Variants in TRAPPC11 observed in about 807,000 individuals in gnomAD.
The protein encoded by TRAPPC11 is foie gras homolog.
A neutral mutation model predicts 151.2 loss-of-function variants in TRAPPC11; 104 were observed. The ratio of observed to expected loss-of-function variants is 0.69; its 90% CI spans 0.59 to 0.81. TRAPPC11 has a LOEUF of 0.81. TRAPPC11 is among the 30% of genes least tolerant of loss of function. The probability of loss-of-function intolerance (pLI) is 0.00; values close to 1 mark genes in which losing one functional copy is unlikely to be tolerated. For synonymous variants in TRAPPC11, 456 were observed against 472.3 expected (o/e 0.97, Z 0.45); for missense variants, 1,230 against 1,349.6 (o/e 0.91, Z 1.39).
chr4:183,689,738 G>T (rs754945640), intron 18 of TRAPPC11, among the ~76,000 whole-genome samples: 17 of 150,020 alleles, frequency 1.1e-4, no homozygotes, highest in Non-Finnish European at 1.9e-4. Flanking sequence ...GAAGTATGGG[G>T]ACTCTTATTT....
intron 2 of TRAPPC11, 133 bp downstream of exon 2, chr4:183,664,204 C>T (rs944832329): frequency 9.9e-6 from 7 of 705,574 alleles, no homozygotes; most frequent in African/African-American, 7.1e-5. Context: ...AAGCCTTAGG[C>T]ATTTTCATGT....
rs1170589564 is a variant in TRAPPC11 at position 183,697,685 on chromosome 4, C to T, written c.2701C>T (p.His901Tyr). Residue 901 changes from histidine (H) to tyrosine (Y), a missense_variant, in exon 25 of 30, where the codon CAC becomes TAC. Coordinates refer to ENST00000334690, the MANE Select transcript of TRAPPC11 (RefSeq NM_021942.6). Reference sequence around the variant, plus strand: ...TTATCTTCATTTGTGACAGTTTGAGCACCTGGAAAGGGTTTATGCTGACAT... The same window carrying T: ...TTATCTTCATTTGTGACAGTTTGAGTACCTGGAAAGGGTTTATGCTGACAT... Reference protein sequence around the residue: ...AVKFVSTKFEHLERVYADIPF... With the variant: ...AVKFVSTKFEYLERVYADIPF... The T allele has an allele frequency of 6.2e-7, 1 of 1,613,554 alleles. No individual in the cohort carries two copies. Among genetic ancestry groups the T allele is most frequent in the Admixed American group, 1.7e-5 (1 of 59,832 alleles).
Position 183,708,550 on chromosome 4 carries a change from T to A in TRAPPC11, c.3333T>A (p.Phe1111Leu). 6.2e-7 allele frequency: 1 copy of A among 1,614,012 alleles called. No homozygotes were observed. Among genetic ancestry groups the A allele is most frequent in the Non-Finnish European group, 8.5e-7 (1 of 1,179,968 alleles). The change falls in exon 29 of 30, where the codon TTT becomes TTA. Residue 1111 changes from phenylalanine (F) to leucine (L), a missense_variant. Coordinates refer to ENST00000334690, the MANE Select transcript of TRAPPC11 (RefSeq NM_021942.6). ...PNFTNQLLRR[F>L]IPTSIFVKPQ... ...TCACAAATCAGCTGCTCAGGCGTTT[T>A]ATACCTACCAGTATTTTTGTCAAGG...
intron 23 of TRAPPC11, among the ~76,000 whole-genome samples, chr4:183,696,733 T>G (rs1316554760): frequency 2.6e-5 from 4 of 152,282 alleles, no homozygotes; most frequent in Non-Finnish European, 2.9e-5. Context: ...AGAAAGGAGA[T>G]GTAGCATGTT....
intron 23 of TRAPPC11, among the ~76,000 whole-genome samples, chr4:183,695,233 A>G (rs1380108053): frequency 2.0e-5 from 3 of 152,146 alleles, no homozygotes; most frequent in African/African-American, 7.2e-5. Context: ...TACAGGCGTG[A>G]TCCACTGGAC....
Position 183,706,934 on chromosome 4 carries a change from C to CA in TRAPPC11, c.3186dup (p.Gln1063ThrfsTer17). 6.2e-7 allele frequency: 1 copy of CA among 1,613,962 alleles called. No individual in the cohort carries two copies. Among genetic ancestry groups the CA allele is most frequent in the Non-Finnish European group, 8.5e-7 (1 of 1,179,960 alleles). On this transcript the variant is annotated frameshift_variant, in exon 28 of 30. Coordinates refer to ENST00000334690, the MANE Select transcript of TRAPPC11 (RefSeq NM_021942.6). LOFTEE classifies it high-confidence loss of function. ...GTGATGCCTTCATGTTCTCAGGTCT[C>CA]AAACAGGTACAGGTCATATCTTGTG...
Position 183,667,118 on chromosome 4 carries a change from C to A in TRAPPC11, c.433C>A (p.Pro145Thr). ...AGTGGTTCTGATTCAGAAGAAAACC[C>A]CTTTGCCCCCAGGTATCAGAAGTCT... ...VAVVLIQKKT[P>T]LPPGEDVIAS... The change falls in exon 4 of 30, where the codon CCT (proline) becomes ACT (threonine). Residue 145 changes from proline to threonine, a missense_variant. Physicochemically the swap from Pro to Thr is conservative, Grantham distance 38. Transcript: ENST00000334690. The A allele has an allele frequency of 1.2e-6, 2 of 1,602,316 alleles. No individual in the cohort carries two copies. The highest frequency in any genetic ancestry group is 1.7e-6 in the Non-Finnish European group (2 of 1,172,248).
Position 183,690,226 on chromosome 4 carries a change from GA to G in TRAPPC11, c.1894-1080del, listed in dbSNP as rs5864851. 1.3e-3 allele frequency among the ~76,000 whole-genome samples: 197 copies of G among 149,648 alleles called. No individual in the cohort carries two copies. The Middle Eastern group carries it at 0.014, about 10-fold the overall frequency. ...AAGAAATTCACAATATAAACCATAA[GA>G]AAAAAAAAAGTAGAGTAGTTTTTAT... On this transcript the variant is annotated intron_variant, in intron 18 of 29. Coordinates refer to ENST00000334690, the MANE Select transcript of TRAPPC11 (RefSeq NM_021942.6).
At chr4:183,711,326 C>T (rs558124147) in intron 29 of TRAPPC11, among the ~76,000 whole-genome samples, 5 of 152,302 alleles carry the variant, frequency 3.3e-5, no homozygotes, top group South Asian at 4.1e-4. Flanking sequence ...AGTGCTCAAT[C>T]GCTAAATGTG....
intron 25 of TRAPPC11, 70 bp from the exon 26 acceptor site, chr4:183,701,627 A>T: frequency 9.8e-7 from 1 of 1,021,800 alleles, no homozygotes; most frequent in Non-Finnish European, 1.6e-6. Flanking sequence ...TTGTTCTGTT[A>T]CTTGGATGTG....
chr4:183,708,297 G>C (rs2111105330), intron 28 of TRAPPC11, 110 bp from the exon 29 acceptor site: 1 of 1,143,728 alleles, frequency 8.7e-7, no homozygotes, highest in East Asian at 2.5e-5. Context: ...GAATATTTCA[G>C]TAGAAGGATT....
Position 183,713,486 on chromosome 4 carries a change from TTAA to T in TRAPPC11, c.*847_*849del, listed in dbSNP as rs1342177509. 6.5e-6 allele frequency: 1 copy of T among 152,694 alleles called. No individual in the cohort carries two copies. Among genetic ancestry groups the T allele is most frequent in the African/African-American group, 2.4e-5 (1 of 41,472 alleles). The allele number at this position is 152,694 out of a possible 1,614,324, so 9.5% of individuals were successfully genotyped here. ...TGAAAATTGTATTTGTTAAAATACC[TTAA>T]TAATTTAAAATGACCTGATTTCCTG... On this transcript the variant is annotated 3_prime_UTR_variant, in exon 30 of 30. Coordinates refer to ENST00000334690, the MANE Select transcript of TRAPPC11 (RefSeq NM_021942.6).
At chr4:183,664,207 T>G in intron 2 of TRAPPC11, 136 bp downstream of exon 2, 1 of 678,924 alleles carries the variant, frequency 1.5e-6, no homozygotes, top group Admixed American at 2.4e-5. Flanking sequence ...CCTTAGGCAT[T>G]TTCATGTAAT....
At chr4:183,692,852 C>G (rs1241601234) in intron 19 of TRAPPC11, 108 bp from the exon 20 acceptor site, 7 of 978,250 alleles carry the variant, frequency 7.2e-6, no homozygotes, top group Middle Eastern at 3.4e-4. Flanking sequence ...CTGGGGGTCT[C>G]TAGATGAACT....
At position 183,677,393 on chromosome 4, in the gene TRAPPC11, GTGATTTGGTTCTTAGAAATCGT is replaced by G. The variant is rs1191697574; in HGVS notation, c.735-63_735-42del. 8.9e-6 allele frequency: 8 copies of G among 895,550 alleles called. No homozygotes were observed. In the African/African-American group the frequency reaches 1.3e-4, roughly 15 times the overall value. 55.5% of individuals were successfully genotyped at this position (895,550 alleles called of 1,614,324 possible). On this transcript the variant is annotated intron_variant, in intron 7 of 29. Transcript: ENST00000334690. The stretch of plus-strand genomic sequence containing the variant: ...GAGTAAATATTCTTTGTTATTTCTA[GTGATTTGGTTCTTAGAAATCGT>G]TTATTAAACTAATTTATATCATTAA...
chr4:183,665,313 C>T (rs1459187892), intron 2 of TRAPPC11, among the ~76,000 whole-genome samples: 1 of 151,950 alleles, frequency 6.6e-6, no homozygotes, highest in Non-Finnish European at 1.5e-5. Flanking sequence ...CCAGGATGGT[C>T]TCGATCTCCT....
At position 183,663,985 on chromosome 4, in the gene TRAPPC11, T is replaced by A. The variant is rs199564084; in HGVS notation, c.118T>A (p.Phe40Ile). 3 of 1,614,122 alleles carry A rather than the reference T, an allele frequency of 1.9e-6. No homozygotes were observed. The African/African-American group carries it at 4.0e-5, about 22-fold the overall frequency. ...AGTCCATCGAGCTGTCTGGGACGCC[T>A]TCTGTGCAAATCGGAGAGCTGATCG... ...NAVHRAVWDAFCANRRADRVP... is the reference protein window; with the variant it reads ...NAVHRAVWDAICANRRADRVP... Residue 40 changes from phenylalanine to isoleucine, a missense_variant, in exon 2 of 30, where the codon TTC (phenylalanine) becomes ATC (isoleucine). Physicochemically the swap from Phe to Ile is conservative, Grantham distance 21. Coordinates refer to ENST00000334690, the MANE Select transcript of TRAPPC11 (RefSeq NM_021942.6).
chr4:183,694,945 C>CTTTTTTTTT (rs34556587), intron 23 of TRAPPC11, among the ~76,000 whole-genome samples: 1 of 119,858 alleles, frequency 8.3e-6, no homozygotes, highest in African/African-American at 3.2e-5. Flanking sequence ...TATGGCTTTT[C>CTTTTTTTTT]TTTTTTTTTT....
intron 3 of TRAPPC11, among the ~76,000 whole-genome samples, chr4:183,666,709 G>A (rs142325959): frequency 2.0e-5 from 3 of 152,264 alleles, no homozygotes; most frequent in East Asian, 1.9e-4. Flanking sequence ...CTCTTAAAAC[G>A]CTTTGCTTTA....
Sources: allele counts gnomAD v4.1 joint callset (sites outside exome capture counted in the v4.1 genomes callset), GRCh38; gene constraint gnomAD v4.1.1; transcripts MANE v1.5; gene names NCBI Gene and HGNC (gene_info 2026-07-23, HGNC 2026-07-21).